SLK: variants seen among roughly 807,000 people sequenced by gnomAD.
The protein encoded by SLK is STE20 like kinase.
SLK carries 67 observed loss-of-function variants against 147.7 expected under a neutral mutation model. That is an observed-to-expected ratio of 0.45 (90% confidence interval 0.37 to 0.56). The LOEUF is 0.56. Ranked by LOEUF, SLK falls within the 20% of genes least tolerant of loss-of-function variation. SLK has a pLI of 0.00. For missense variants in SLK, 1,136 were observed against 1,438.8 expected, an observed-to-expected ratio of 0.79 and a Z score of 3.41; for synonymous variants, 441 against 475.0, an observed-to-expected ratio of 0.93 and a Z score of 0.93.
At position 104,018,787 on chromosome 10, in the gene SLK, G is replaced by T. The variant is rs756872081; in HGVS notation, c.3011G>T (p.Arg1004Leu). The T allele has an allele frequency of 1.2e-6, 2 of 1,609,846 alleles. No individual in the cohort carries two copies. The highest frequency in any genetic ancestry group is 1.7e-6 in the Non-Finnish European group (2 of 1,178,932). The change falls in exon 15 of 19, where the codon CGA (arginine) becomes CTA (leucine). Residue 1004 changes from arginine to leucine, a missense_variant. Arg to Leu is a moderately radical substitution (Grantham distance 102). Around this residue, in one of 6 missense-constraint regions of SLK, gnomAD observed 327 missense variants for 457.5 expected, o/e 0.71. Transcript: ENST00000369755. ...TTTGAAAACTGCTGTCTTCTAGCTCGAGAAGCTGCAATTTGGGAGCTCGAA... is the reference window on the plus strand; with the variant it reads ...TTTGAAAACTGCTGTCTTCTAGCTCTAGAAGCTGCAATTTGGGAGCTCGAA... ...LNNKQQLMRA[R>L]EAAIWELEER...
intron 13 of SLK, among the ~76,000 whole-genome samples, chr10:104,016,391 AG>A (rs1844466680): frequency 6.6e-6 from 1 of 152,222 alleles, no homozygotes; most frequent in Non-Finnish European, 1.5e-5. Context: ...AGTAGGAAAA[AG>A]AAAAGCTTGA....
At chr10:103,984,025 A>G (rs531558484) in intron 1 of SLK, among the ~76,000 whole-genome samples, 1 of 152,198 alleles carries the variant, frequency 6.6e-6, no homozygotes, top group South Asian at 2.1e-4. Context: ...GATCCTTTGT[A>G]TTATTTTTTC....
At chr10:103,990,369 C>A (rs928966498) in intron 1 of SLK, among the ~76,000 whole-genome samples, 1 of 152,132 alleles carries the variant, frequency 6.6e-6, no homozygotes, top group Non-Finnish European at 1.5e-5. Flanking sequence ...ATCATAGCAA[C>A]AGATGTATCA....
chr10:104,001,061 A>AG (rs1844240890), intron 7 of SLK, among the ~76,000 whole-genome samples: 2 of 47,156 alleles, frequency 4.2e-5, no homozygotes, highest in South Asian at 1.5e-3. Flanking sequence ...TCCGTCTCAA[A>AG]AAAAAAAAAA....
At chr10:103,988,201 T>C (rs192867230) in intron 1 of SLK, among the ~76,000 whole-genome samples, 240 of 152,322 alleles carry the variant, frequency 1.6e-3, no homozygotes, top group African/African-American at 5.6e-3. Flanking sequence ...TCTCCTGGGA[T>C]AGAGAAGACG....
chr10:104,019,690 A>G, intron 15 of SLK, 44 bp from the exon 16 acceptor site: 7 of 1,421,224 alleles, frequency 4.9e-6, no homozygotes, highest in Middle Eastern at 1.8e-4. Context: ...GTGGGTACTG[A>G]CTATTGTTTC....
intron 13 of SLK, among the ~76,000 whole-genome samples, chr10:104,011,530 A>G (rs1410223439): frequency 6.6e-6 from 1 of 152,040 alleles, no homozygotes; most frequent in African/African-American, 2.4e-5. Flanking sequence ...AGGTTATGAT[A>G]AAGTTAAGCC....
rs12242867 is a variant in SLK, at chr10:104,010,945, G to A, written c.2877+37G>A. The A allele has an allele frequency of 1.7e-3, 2,280 of 1,358,526 alleles. 33 individuals carry two copies. The African/African-American group carries it at 0.029, about 17-fold the overall frequency. The allele number at this position is 1,358,526 out of a possible 1,614,324, so 84.2% of individuals were successfully genotyped here. On this transcript the variant is annotated intron_variant, in intron 13 of 18. Transcript: ENST00000369755. The stretch of plus-strand genomic sequence containing the variant: ...AGCTTAATGCTACTAAAACCAGAAA[G>A]CACCATTTTCTCACAGCTTGATAAA...
At position 104,028,816 on chromosome 10, in the gene SLK, T is replaced by C. The variant is rs539906026; in HGVS notation, c.*3096T>C. The stretch of plus-strand genomic sequence containing the variant: ...CTGTCCAAGTATTAACTAGAGATAT[T>C]GTTGATTAAAGAAAATCTAGAACTG... On this transcript the variant is annotated 3_prime_UTR_variant, in exon 19 of 19. Coordinates refer to ENST00000369755, the MANE Select transcript of SLK (RefSeq NM_014720.4). The C allele has an allele frequency of 6.6e-6, 1 of 152,330 alleles. No homozygotes were observed. The highest frequency in any genetic ancestry group is 2.4e-5 in the African/African-American group (1 of 41,578). 9.4% of individuals were successfully genotyped at this position (152,330 alleles called of 1,614,324 possible). A position where few individuals can be genotyped will look rare whatever the true frequency, so the allele number is the denominator to read the frequency against.
At chr10:103,971,985 C>T (rs1247976097) in intron 1 of SLK, among the ~76,000 whole-genome samples, 1 of 152,132 alleles carries the variant, frequency 6.6e-6, no homozygotes, top group Non-Finnish European at 1.5e-5. Flanking sequence ...AGGATTATAT[C>T]CCTAAATGTT....
intron 13 of SLK, among the ~76,000 whole-genome samples, chr10:104,013,472 G>A (rs1162125707): frequency 1.3e-5 from 2 of 152,230 alleles, no homozygotes; most frequent in Non-Finnish European, 1.5e-5. Flanking sequence ...CACTGATCTA[G>A]TTCAAATCCT....
At position 104,006,016 on chromosome 10, in the gene SLK, G is replaced by T. The variant is rs750368752; in HGVS notation, c.2585G>T (p.Arg862Leu). Residue 862 changes from arginine to leucine, a missense_variant, in exon 11 of 19, where the codon CGC (arginine) becomes CTC (leucine). Coordinates refer to ENST00000369755, the MANE Select transcript of SLK (RefSeq NM_014720.4). ...LQQQREQIFR[R>L]FEQEMMSKKR... The stretch of plus-strand genomic sequence containing the variant: ...CAACAACGAGAACAAATTTTCCGGC[G>T]CTTTGAGCAGGAAATGATGGTAAAG... 3 of 1,612,354 alleles carry T rather than the reference G, an allele frequency of 1.9e-6. No homozygotes were observed. Among genetic ancestry groups the T allele is most frequent in the Admixed American group, 1.7e-5 (1 of 59,532 alleles).
intron 13 of SLK, among the ~76,000 whole-genome samples, chr10:104,016,762 G>A (rs958579296): frequency 6.7e-6 from 1 of 148,652 alleles, no homozygotes; most frequent in African/African-American, 2.6e-5. Flanking sequence ...GAGGAGTGGA[G>A]TGAGACTCTC....
chr10:104,009,830 T>C (rs1844376706), intron 12 of SLK, among the ~76,000 whole-genome samples: 1 of 152,142 alleles, frequency 6.6e-6, no homozygotes, highest in South Asian at 2.1e-4. Flanking sequence ...GGGAGTCTCT[T>C]CCTTTTAATG....
Position 104,002,385 on chromosome 10 carries a change from G to T in SLK, c.1207G>T (p.Asp403Tyr). The change falls in exon 9 of 19, where the codon GAT becomes TAT. Residue 403 changes from aspartate (D) to tyrosine (Y), a missense_variant. Coordinates refer to ENST00000369755, the MANE Select transcript of SLK (RefSeq NM_014720.4). ...AVEDINEHIT[D>Y]AQLEAMTELH... ...GGAGGATATTAATGAACATATTACC[G>T]ATGCTCAGTTAGAAGCAATGACTGA... 2 of 1,613,606 alleles carry T rather than the reference G, an allele frequency of 1.2e-6. No individual in the cohort carries two copies. Among genetic ancestry groups the T allele is most frequent in the Non-Finnish European group, 1.7e-6 (2 of 1,179,822 alleles).
chr10:104,003,113 A>G lies in SLK; in HGVS notation c.1935A>G (p.Ser645=). 2 of 1,614,202 alleles carry G rather than the reference A, an allele frequency of 1.2e-6. No individual in the cohort carries two copies. The highest frequency in any genetic ancestry group is 1.1e-5 in the South Asian group (1 of 91,084). The part of the protein sequence containing the change: ...GTTEGEEITE[S]SSTEEMEVRS... ...CTGAAGGTGAAGAAATCACTGAGTC[A>G]AGTAGCACTGAAGAAATGGAGGTCA... Residue 645 remains serine (S), a synonymous_variant, in exon 9 of 19, where the codon TCA becomes TCG. Transcript: ENST00000369755.
At chr10:103,983,757 A>T (rs1312473572) in intron 1 of SLK, among the ~76,000 whole-genome samples, 1 of 151,842 alleles carries the variant, frequency 6.6e-6, no homozygotes, top group Non-Finnish European at 1.5e-5. Context: ...CACAGAACTA[A>T]CCTCATCATA....
rs1045315793 is a variant in SLK at position 103,967,506 on chromosome 10, A to C, written c.-240A>C. On this transcript the variant is annotated 5_prime_UTR_variant, in exon 1 of 19. Coordinates refer to ENST00000369755, the MANE Select transcript of SLK (RefSeq NM_014720.4). ...AGGGTGGGCCGGAGGCGAGGCGCCCACCGCGCGGCTCGCGGGCCGGGCTCG... is the reference window on the plus strand; with the variant it reads ...AGGGTGGGCCGGAGGCGAGGCGCCCCCCGCGCGGCTCGCGGGCCGGGCTCG... The C allele has an allele frequency of 6.7e-6, 1 of 149,592 alleles. No individual in the cohort carries two copies. The highest frequency in any genetic ancestry group is 1.5e-5 in the Non-Finnish European group (1 of 67,426). The allele number at this position is 149,592 out of a possible 1,614,324, so 9.3% of individuals were successfully genotyped here. A position where few individuals can be genotyped will look rare whatever the true frequency, so the allele number is the denominator to read the frequency against.
At chr10:104,016,136 G>A (rs559018353) in intron 13 of SLK, among the ~76,000 whole-genome samples, 89 of 152,142 alleles carry the variant, frequency 5.8e-4, no homozygotes, top group African/African-American at 2.1e-3. Context: ...GGCTACCACG[G>A]TGAAACCCCG....
Sources: gnomAD v4.1 joint callset for allele counts (sites outside exome capture counted in the v4.1 genomes callset) on GRCh38, gnomAD v4.1.1 for gene constraint, gnomAD v4.1.1 regional missense constraint, MANE v1.5 for transcripts, NCBI Gene and HGNC (gene_info 2026-07-23, HGNC 2026-07-21) for gene names.